Variants in RPH3A observed in about 807,000 individuals in gnomAD.
RPH3A encodes rabphilin-3A.
A neutral mutation model predicts 102.2 loss-of-function variants in RPH3A; 48 were observed. The ratio of observed to expected loss-of-function variants is 0.47; its 90% CI spans 0.37 to 0.60. The LOEUF (loss-of-function observed/expected upper bound fraction) is 0.60, where lower values mean the gene tolerates loss of function less well. Among genes scored for constraint, RPH3A ranks in the 20% least tolerant of loss-of-function variants. The pLI, the probability that RPH3A is intolerant of heterozygous loss-of-function variation, is 0.00. For synonymous variants in RPH3A, 310 were observed against 324.3 expected, an observed-to-expected ratio of 0.96 and a Z score of 0.47; for missense variants, 781 against 910.1, an observed-to-expected ratio of 0.86 and a Z score of 1.83.
Position 112,736,309 on chromosome 12 carries a change from CA to C in RPH3A, c.-139-55833del, listed in dbSNP as rs758005545. On this transcript the variant is annotated intron_variant, in intron 1 of 21. Coordinates refer to the RPH3A transcript ENST00000543106. ...GACAAAACCACCTCTGTTTGAGAACCATTGCTTAGCCAGTGTTTAGCAGCTT... is the reference window on the plus strand; with the variant it reads ...GACAAAACCACCTCTGTTTGAGAACCTTGCTTAGCCAGTGTTTAGCAGCTT... Among the ~76,000 whole-genome samples, 34 of 152,324 alleles carry C rather than the reference CA, an allele frequency of 2.2e-4. No homozygotes were observed. The South Asian group carries it at 2.5e-3, about 11-fold the overall frequency.
At chr12:112,761,837 C>T (rs538651562) in intron 1 of RPH3A, among the ~76,000 whole-genome samples, 2 of 152,194 alleles carry the variant, frequency 1.3e-5, no homozygotes, top group African/African-American at 2.4e-5. Context: ...AAATGCTTGA[C>T]ATTTGGACTC....
At chr12:112,736,224 C>T (rs1366951810) in intron 1 of RPH3A, among the ~76,000 whole-genome samples, 1 of 152,176 alleles carries the variant, frequency 6.6e-6, no homozygotes, top group Non-Finnish European at 1.5e-5. Flanking sequence ...TCTAGTGGCA[C>T]TACCCCCACC....
At chr12:112,698,800 A>G (rs187617354) in intron 1 of RPH3A, among the ~76,000 whole-genome samples, 102 of 152,066 alleles carry the variant, frequency 6.7e-4, no homozygotes, top group African/African-American at 2.3e-3. Context: ...ACGGTAGGAT[A>G]GTTTTCCCCT....
At chr12:112,823,784 G>A (rs2041821548) in intron 2 of RPH3A, among the ~76,000 whole-genome samples, 1 of 152,166 alleles carries the variant, frequency 6.6e-6, no homozygotes, top group Admixed American at 6.5e-5. Context: ...GGAGTGGTTT[G>A]AGAATGTCTG....
At chr12:112,704,335 C>T (rs145187850) in intron 1 of RPH3A, among the ~76,000 whole-genome samples, 3,629 of 152,206 alleles carry the variant, frequency 0.024, 53 homozygotes, top group Non-Finnish European at 0.038. Flanking sequence ...GGTGATCCGC[C>T]CACCTCAGCC....
At chr12:112,587,576 T>C (rs148087457) in intron 1 of RPH3A, among the ~76,000 whole-genome samples, 13 of 152,332 alleles carry the variant, frequency 8.5e-5, no homozygotes, top group African/African-American at 2.9e-4. Flanking sequence ...TTGTCTTGTG[T>C]GGTTGGCTCT....
At chr12:112,847,559 C>T (rs2042250990) in intron 4 of RPH3A, 137 bp from the exon 5 acceptor site, 1 of 920,192 alleles carries the variant, frequency 1.1e-6, no homozygotes, top group Admixed American at 2.2e-5. Context: ...ATGTGTGTCC[C>T]ATTGCAGAGA....
At chr12:112,585,798 T>C (rs1012043298) in intron 1 of RPH3A, among the ~76,000 whole-genome samples, 6 of 152,146 alleles carry the variant, frequency 3.9e-5, no homozygotes, top group Non-Finnish European at 7.4e-5. Flanking sequence ...AAAGGAATGT[T>C]CTAGAGAATC....
At chr12:112,870,453 C>G (rs16942294) in intron 10 of RPH3A, among the ~76,000 whole-genome samples, 2,712 of 152,130 alleles carry the variant, frequency 0.018, 99 homozygotes, top group African/African-American at 0.061. Flanking sequence ...GTCAGCATGG[C>G]CAGGATGTCA....
At chr12:112,864,029 C>A (rs901922577) in intron 5 of RPH3A, among the ~76,000 whole-genome samples, 1 of 152,146 alleles carries the variant, frequency 6.6e-6, no homozygotes, top group Non-Finnish European at 1.5e-5. Context: ...TCACAATCAG[C>A]TAATTATTTA....
At chr12:112,894,135 C>T (rs1486947838) in intron 19 of RPH3A, 1 of 189,948 alleles carries the variant, frequency 5.3e-6, no homozygotes, top group Non-Finnish European at 1.1e-5. Context: ...TGCATACACC[C>T]AGCCTCTCTC....
chr12:112,744,892 T>C (rs2040733478), intron 1 of RPH3A, among the ~76,000 whole-genome samples: 1 of 152,222 alleles, frequency 6.6e-6, no homozygotes, highest in Non-Finnish European at 1.5e-5. Context: ...AAAAAAGATA[T>C]TCTCTTACAT....
At chr12:112,760,942 CA>C (rs1246099666) in intron 1 of RPH3A, among the ~76,000 whole-genome samples, 6 of 151,062 alleles carry the variant, frequency 4.0e-5, no homozygotes, top group African/African-American at 1.2e-4. Flanking sequence ...CACAACCAAT[CA>C]ATCAACACTG....
intron 1 of RPH3A, among the ~76,000 whole-genome samples, chr12:112,732,984 C>A (rs1328955046): frequency 2.0e-5 from 3 of 152,142 alleles, no homozygotes; most frequent in Non-Finnish European, 4.4e-5. Flanking sequence ...TATTGCATTA[C>A]AGTTATCAAT....
chr12:112,896,349 C>T (rs1295868977), intron 21 of RPH3A, among the ~76,000 whole-genome samples: 1 of 152,006 alleles, frequency 6.6e-6, no homozygotes, highest in Non-Finnish European at 1.5e-5. Context: ...AATGAGTTCC[C>T]AGAAGTAGTG....
In RPH3A at chr12:112,795,080, C is replaced by T. The variant is rs182775442; in HGVS notation, c.-19+2817C>T. Among the ~76,000 whole-genome samples, 579 of 152,332 alleles carry T rather than the reference C, an allele frequency of 3.8e-3. 1 individual carries two copies. The highest frequency in any genetic ancestry group is 0.013 in the African/African-American group (548 of 41,574). ...TATTGCTCCGTACACAGACTGGCTG[C>T]TTTGTCTGAAGATGTGCATTTGGTT... On this transcript the variant is annotated intron_variant, in intron 2 of 21. Transcript: ENST00000389385.
At chr12:112,753,609 A>G (rs1236650353) in intron 1 of RPH3A, among the ~76,000 whole-genome samples, 1 of 152,126 alleles carries the variant, frequency 6.6e-6, no homozygotes, top group Non-Finnish European at 1.5e-5. Context: ...TGATCTGCAG[A>G]GAAGTATGCT....
chr12:112,818,304 G>GAAGAAA (rs2041715152), intron 2 of RPH3A, among the ~76,000 whole-genome samples: 1 of 20,452 alleles, frequency 4.9e-5, no homozygotes, highest in Non-Finnish European at 9.9e-5. Context: ...GTCTCAAGAA[G>GAAGAAA]AATAAAAAAA....
intron 1 of RPH3A, among the ~76,000 whole-genome samples, chr12:112,711,635 A>G (rs950916009): frequency 3.3e-5 from 5 of 152,094 alleles, no homozygotes; most frequent in African/African-American, 9.7e-5. Context: ...TGTGGTTGCA[A>G]TGGCCACGAA....
Sources: gnomAD v4.1 joint callset for allele counts (sites outside exome capture counted in the v4.1 genomes callset) on GRCh38, gnomAD v4.1.1 for gene constraint, MANE v1.5 for transcripts, NCBI Gene and HGNC (gene_info 2026-07-23, HGNC 2026-07-21) for gene names.